DPYD: variants seen among roughly 807,000 people sequenced by gnomAD.
DPYD encodes the protein dihydropyrimidine dehydrogenase [NADP(+)].
DPYD carries 109 observed loss-of-function variants against 116.2 expected under a neutral mutation model. That is an observed-to-expected ratio of 0.94 (90% CI 0.80 to 1.10). The LOEUF (loss-of-function observed/expected upper bound fraction) is 1.10. DPYD is among the 50% of genes least tolerant of loss of function. The pLI, the probability that DPYD is intolerant of heterozygous loss-of-function variation, is 0.00. For synonymous variants in DPYD, 440 were observed against 432.0 expected, an observed-to-expected ratio of 1.02 and a Z score of -0.23; for missense variants, 1,302 against 1,254.5, an observed-to-expected ratio of 1.04 and a Z score of -0.57.
intron 13 of DPYD, among the ~76,000 whole-genome samples, chr1:97,488,945 T>G (rs375188638): frequency 6.6e-6 from 1 of 152,222 alleles, no homozygotes; most frequent in African/African-American, 2.4e-5. Context: ...CACAACGAGC[T>G]GTACCTCTGC....
intron 8 of DPYD, among the ~76,000 whole-genome samples, chr1:97,603,784 A>G (rs1160613582): frequency 6.6e-6 from 1 of 152,244 alleles, no homozygotes; most frequent in Admixed American, 6.6e-5. Context: ...ATACAATCAT[A>G]TTGTGAGACT....
At chr1:97,893,429 C>CATATATAGATAT (rs1672875768) in intron 1 of DPYD, among the ~76,000 whole-genome samples, 1 of 71,906 alleles carries the variant, frequency 1.4e-5, no homozygotes, top group Admixed American at 1.5e-4. Context: ...ATATCCATCG[C>CATATATAGATAT]ATATATATAT....
intron 16 of DPYD, among the ~76,000 whole-genome samples, chr1:97,368,638 T>C (rs1671163105): frequency 6.6e-6 from 1 of 152,220 alleles, no homozygotes; most frequent in Admixed American, 6.5e-5. Flanking sequence ...TTAAAGGTAC[T>C]GCTGGCCAAA....
At chr1:97,129,568 T>C (rs1653116892) in intron 20 of DPYD, among the ~76,000 whole-genome samples, 1 of 151,966 alleles carries the variant, frequency 6.6e-6, no homozygotes, top group Non-Finnish European at 1.5e-5. Context: ...CTCTCCCATC[T>C]CTCTCACTCA....
chr1:97,086,369 T>A (rs1570431451), intron 21 of DPYD, among the ~76,000 whole-genome samples: 1 of 138,822 alleles, frequency 7.2e-6, no homozygotes, highest in Admixed American at 7.4e-5. Context: ...TTTTTTTTTT[T>A]AATAGACCAG....
chr1:97,327,510 CATA>C (rs1332859559), intron 16 of DPYD, among the ~76,000 whole-genome samples: 16 of 151,806 alleles, frequency 1.1e-4, no homozygotes, highest in African/African-American at 3.6e-4. Flanking sequence ...TAAAATTACT[CATA>C]ATGAAACAAC....
At chr1:97,471,036 G>A (rs573096441) in intron 13 of DPYD, among the ~76,000 whole-genome samples, 173 of 152,182 alleles carry the variant, frequency 1.1e-3, no homozygotes, top group Non-Finnish European at 2.0e-3. Context: ...TGCTTGATCT[G>A]GTAATGGGAA....
intron 3 of DPYD, among the ~76,000 whole-genome samples, chr1:97,756,518 A>G (rs979086856): frequency 6.6e-6 from 1 of 152,188 alleles, no homozygotes; most frequent in Admixed American, 6.6e-5. Context: ...AATTAAACAG[A>G]AAGAAGAAGA....
intron 12 of DPYD, among the ~76,000 whole-genome samples, chr1:97,534,152 G>A (rs1197499317): frequency 6.6e-6 from 1 of 152,024 alleles, no homozygotes; most frequent in East Asian, 1.9e-4. Context: ...CCAACAATAA[G>A]GTAACCACTG....
intron 16 of DPYD, chr1:97,308,432 C>A (rs930151717): frequency 4.6e-5 from 7 of 151,702 alleles, no homozygotes; most frequent in Non-Finnish European, 8.8e-5. Flanking sequence ...AGGGTAAGTA[C>A]AGTTTGGCTA....
chr1:97,852,306 AG>A (rs1426799754), intron 2 of DPYD, among the ~76,000 whole-genome samples: 3 of 152,210 alleles, frequency 2.0e-5, no homozygotes, highest in Non-Finnish European at 4.4e-5. Flanking sequence ...GCCAGACCTA[AG>A]GAGTCACATA....
At chr1:97,691,842 G>C in intron 6 of DPYD, 44 bp from the exon 7 acceptor site, 1 of 1,520,626 alleles carries the variant, frequency 6.6e-7, no homozygotes, top group Non-Finnish European at 9.1e-7. Context: ...GTAGAAAAAT[G>C]ACCAATCTTT....
At position 97,168,848 on chromosome 1, in the gene DPYD, A is replaced by ATT. The variant is rs11457298; in HGVS notation, c.2622+24219_2622+24220dup. Among the ~76,000 whole-genome samples the ATT allele has an allele frequency of 2.4e-3, 339 of 142,434 alleles. 4 individuals are homozygous for ATT. The highest frequency in any genetic ancestry group is 3.7e-3 in the East Asian group (18 of 4,884). 93.4% of individuals were successfully genotyped at this position (142,434 alleles called of 152,430 possible). On this transcript the variant is annotated intron_variant, in intron 20 of 22. Transcript: ENST00000370192. ...AAGGGGCTTCAATTCCCACTTAGTA[A>ATT]TTTTTTTTTTTTTTTTGAGACAGAG... is the stretch of plus-strand genomic sequence containing the variant.
intron 20 of DPYD, among the ~76,000 whole-genome samples, chr1:97,130,980 T>C (rs555515489): frequency 1.3e-5 from 2 of 151,796 alleles, no homozygotes; most frequent in African/African-American, 4.8e-5. Flanking sequence ...AGTTATTACT[T>C]AATTACTGAA....
chr1:97,130,256 T>C (rs1048994053), intron 20 of DPYD, among the ~76,000 whole-genome samples: 5 of 152,156 alleles, frequency 3.3e-5, no homozygotes, highest in Non-Finnish European at 4.4e-5. Flanking sequence ...TGGTTACGAG[T>C]GAGAAAAGAA....
chr1:97,285,922 T>A (rs1004523327), intron 18 of DPYD, among the ~76,000 whole-genome samples: 1 of 152,166 alleles, frequency 6.6e-6, no homozygotes, highest in Non-Finnish European at 1.5e-5. Context: ...CCATTTACAT[T>A]TAAAGTTAAT....
chr1:97,116,145 A>T (rs553673864), intron 20 of DPYD, among the ~76,000 whole-genome samples: 1 of 152,316 alleles, frequency 6.6e-6, no homozygotes, highest in East Asian at 1.9e-4. Flanking sequence ...GAGAATATTT[A>T]TATACAAAAA....
At chr1:97,818,947 T>G (rs961123689) in intron 3 of DPYD, among the ~76,000 whole-genome samples, 4 of 151,956 alleles carry the variant, frequency 2.6e-5, no homozygotes, top group Non-Finnish European at 4.4e-5. Flanking sequence ...ATCACATACA[T>G]TACAAAAATT....
At chr1:97,769,664 C>T (rs1210290993) in intron 3 of DPYD, among the ~76,000 whole-genome samples, 2 of 152,066 alleles carry the variant, frequency 1.3e-5, no homozygotes, top group African/African-American at 4.8e-5. Flanking sequence ...AATACATGTA[C>T]TATCAAACTT....
Sources: allele counts gnomAD v4.1 joint callset (sites outside exome capture counted in the v4.1 genomes callset), GRCh38; gene constraint gnomAD v4.1.1; transcripts MANE v1.5; gene names NCBI Gene and HGNC (gene_info 2026-07-23, HGNC 2026-07-21).